Variants in PTPRD observed in about 807,000 individuals in gnomAD.
PTPRD encodes the protein protein tyrosine phosphatase receptor type D.
PTPRD carries 34 observed loss-of-function variants against 214.5 expected under a neutral mutation model. The ratio of observed to expected loss-of-function variants is 0.16; its 90% CI spans 0.12 to 0.21. The LOEUF is 0.21. PTPRD is among the 10% of genes least tolerant of loss of function. The pLI, the probability that PTPRD is intolerant of heterozygous loss-of-function variation, is 1.00. For missense variants in PTPRD, 2,545 were observed against 2,398.7 expected (o/e 1.06, Z -1.27); for synonymous variants, 1,128 against 845.7 (o/e 1.33, Z -5.79).
intron 3 of PTPRD, among the ~76,000 whole-genome samples, chr9:10,087,076 GA>G (rs1408725858): frequency 6.8e-6 from 1 of 147,876 alleles, no homozygotes. Context: ...ATATTTTTAA[GA>G]AAAGAAAACA....
chr9:9,142,513 T>G (rs2099862195), intron 10 of PTPRD, among the ~76,000 whole-genome samples: 1 of 152,224 alleles, frequency 6.6e-6, no homozygotes, highest in South Asian at 2.1e-4. Flanking sequence ...TCTTAGAAAT[T>G]TTGCCAAAGT....
intron 2 of PTPRD, among the ~76,000 whole-genome samples, chr9:10,559,928 TG>T (rs1342475345): frequency 6.6e-6 from 1 of 151,896 alleles, no homozygotes; most frequent in African/African-American, 2.4e-5. Flanking sequence ...GGAGAGGATA[TG>T]GAGAAATAGG....
chr9:9,030,179 C>T (rs2099600030), intron 10 of PTPRD, among the ~76,000 whole-genome samples: 1 of 150,590 alleles, frequency 6.6e-6, no homozygotes, highest in South Asian at 2.1e-4. Flanking sequence ...CAATATACTA[C>T]CTGTCAGGAA....
chr9:8,358,400 T>A (rs952315791), intron 39 of PTPRD, among the ~76,000 whole-genome samples: 5 of 152,132 alleles, frequency 3.3e-5, no homozygotes, highest in Admixed American at 6.5e-5. Flanking sequence ...GAGCAAATGG[T>A]CTTTGATGTG....
At chr9:9,566,198 A>G (rs1405302699) in intron 8 of PTPRD, among the ~76,000 whole-genome samples, 1 of 151,946 alleles carries the variant, frequency 6.6e-6, no homozygotes, top group Non-Finnish European at 1.5e-5. Context: ...AAATCAAACT[A>G]TTGTCATATT....
At chr9:9,766,505 G>T (rs1324981904) in intron 6 of PTPRD, among the ~76,000 whole-genome samples, 1 of 152,078 alleles carries the variant, frequency 6.6e-6, no homozygotes, top group Admixed American at 6.5e-5. Context: ...AGTCATTAAA[G>T]ACATGTTAAA....
At chr9:8,524,603 A>C (rs2139151499) in intron 18 of PTPRD, among the ~76,000 whole-genome samples, 1 of 152,284 alleles carries the variant, frequency 6.6e-6, no homozygotes, top group Admixed American at 6.5e-5. Flanking sequence ...ACAACAGAAA[A>C]AAAGAGAAAG....
At chr9:9,480,451 C>T (rs1013693794) in intron 8 of PTPRD, among the ~76,000 whole-genome samples, 1 of 151,996 alleles carries the variant, frequency 6.6e-6, no homozygotes, top group African/African-American at 2.4e-5. Context: ...ACAATGAAAG[C>T]TTATACATTC....
At chr9:10,006,294 G>C (rs763966223) in intron 4 of PTPRD, among the ~76,000 whole-genome samples, 2 of 151,982 alleles carry the variant, frequency 1.3e-5, no homozygotes. Flanking sequence ...TTGACAATGT[G>C]ACTAGTCTGT....
intron 21 of PTPRD, among the ~76,000 whole-genome samples, chr9:8,507,657 G>A (rs1441244723): frequency 6.6e-6 from 1 of 152,140 alleles, no homozygotes; most frequent in Non-Finnish European, 1.5e-5. Flanking sequence ...ACAAGATATA[G>A]TAGAACTAAT....
intron 2 of PTPRD, among the ~76,000 whole-genome samples, chr9:10,538,913 G>C (rs539967180): frequency 6.6e-6 from 1 of 152,204 alleles, no homozygotes; most frequent in African/African-American, 2.4e-5. Flanking sequence ...AGTTTAAGGT[G>C]TTTATAAATA....
intron 14 of PTPRD, among the ~76,000 whole-genome samples, chr9:8,623,016 G>C (rs902568211): frequency 6.6e-6 from 1 of 151,734 alleles, no homozygotes; most frequent in African/African-American, 2.4e-5. Flanking sequence ...AGCTGGGCAA[G>C]ATGACTCATA....
intron 10 of PTPRD, among the ~76,000 whole-genome samples, chr9:9,051,662 G>T (rs2099685809): frequency 6.6e-6 from 1 of 150,462 alleles, no homozygotes; most frequent in Non-Finnish European, 1.5e-5. Context: ...ATAAGTTAAT[G>T]TTAGGTTGTG....
intron 2 of PTPRD, among the ~76,000 whole-genome samples, chr9:10,428,382 G>T (rs1048496227): frequency 2.6e-5 from 4 of 152,014 alleles, no homozygotes; most frequent in Non-Finnish European, 5.9e-5. Context: ...ACTCATAACA[G>T]ATCTACCTTT....
intron 14 of PTPRD, among the ~76,000 whole-genome samples, chr9:8,561,715 A>T (rs1287658214): frequency 6.6e-6 from 1 of 151,450 alleles, no homozygotes; most frequent in Non-Finnish European, 1.5e-5. Flanking sequence ...TCAAGAATTC[A>T]TTATTTTTAT....
intron 4 of PTPRD, among the ~76,000 whole-genome samples, chr9:9,994,740 T>C (rs1305373400): frequency 6.6e-6 from 1 of 152,318 alleles, no homozygotes; most frequent in East Asian, 1.9e-4. Flanking sequence ...AACAAATGTT[T>C]AGCTAAAATA....
At chr9:9,235,269 A>C (rs895689976) in intron 9 of PTPRD, among the ~76,000 whole-genome samples, 4 of 152,138 alleles carry the variant, frequency 2.6e-5, no homozygotes. Context: ...ATTACTTCCC[A>C]CTTGGTCCCT....
intron 3 of PTPRD, among the ~76,000 whole-genome samples, chr9:10,160,508 G>A (rs896248045): frequency 3.3e-5 from 5 of 151,676 alleles, no homozygotes; most frequent in Admixed American, 2.6e-4. Flanking sequence ...TACCAAAAAA[G>A]CATTCAATAC....
chr9:9,231,961 A>G (rs10759052), intron 9 of PTPRD, among the ~76,000 whole-genome samples: 64,029 of 151,936 alleles, frequency 0.42, 13,827 homozygotes, highest in Non-Finnish European at 0.47. Context: ...GGTGGCATAG[A>G]ATACAATGGG....
Sources: gnomAD v4.1 joint callset for allele counts (sites outside exome capture counted in the v4.1 genomes callset) on GRCh38, gnomAD v4.1.1 for gene constraint, MANE v1.5 for transcripts, NCBI Gene and HGNC (gene_info 2026-07-23, HGNC 2026-07-21) for gene names.